KSR1: variants seen among roughly 807,000 people sequenced by gnomAD.
KSR1 encodes kinase suppressor of ras 1, also known as kinase suppressor of ras.
KSR1 carries 35 observed loss-of-function variants against 92.9 expected under a neutral mutation model. The ratio of observed to expected loss-of-function variants is 0.38; its 90% CI spans 0.29 to 0.50. KSR1 has a LOEUF of 0.50. Among genes scored for constraint, KSR1 ranks in the 20% least tolerant of loss-of-function variants. The pLI is 0.94. For synonymous variants in KSR1, 467 were observed against 472.6 expected, an observed-to-expected ratio of 0.99 and a Z score of 0.15; for missense variants, 972 against 1,158.5, an observed-to-expected ratio of 0.84 and a Z score of 2.34.
chr17:27,553,189 C>T (rs142367633), intron 2 of KSR1, among the ~76,000 whole-genome samples: 12 of 152,296 alleles, frequency 7.9e-5, no homozygotes, highest in African/African-American at 2.6e-4. Context: ...CTGGCACAGG[C>T]AGTTGTGAAA....
chr17:27,620,340 G>GCC, intron 19 of KSR1, among the ~76,000 whole-genome samples: 1 of 152,318 alleles, frequency 6.6e-6, no homozygotes, highest in Non-Finnish European at 1.5e-5. Context: ...GATGGCCGAG[G>GCC]CCAGGGTTCC....
rs183026806 is a variant in KSR1 at position 27,538,990 on chromosome 17, G to T, written c.232-11578G>T. Among the ~76,000 whole-genome samples the T allele has an allele frequency of 1.8e-4, 28 of 152,354 alleles. No individual in the cohort carries two copies. In the East Asian group the frequency reaches 5.4e-3, roughly 29 times the overall value. ...TCATAGTTGGTGCATATAGGTCAGA[G>T]TTTAAGGTGCCTTGCCTTCCCCATC... On this transcript the variant is annotated intron_variant, in intron 1 of 20. Coordinates refer to ENST00000644974, the MANE Select transcript of KSR1 (RefSeq NM_001394583.1).
At chr17:27,542,695 C>T (rs145233364) in intron 1 of KSR1, among the ~76,000 whole-genome samples, 2 of 152,324 alleles carry the variant, frequency 1.3e-5, no homozygotes, top group East Asian at 3.9e-4. Context: ...TCTTCATGCT[C>T]CTCCTTTTCG....
chr17:27,471,719 C>T (rs1248859596), intron 1 of KSR1, among the ~76,000 whole-genome samples: 1 of 152,134 alleles, frequency 6.6e-6, no homozygotes, highest in East Asian at 1.9e-4. Flanking sequence ...GGGTTTCGTG[C>T]CAGGCACTGT....
chr17:27,554,579 T>C (rs1250245903), intron 2 of KSR1, among the ~76,000 whole-genome samples: 2 of 152,256 alleles, frequency 1.3e-5, no homozygotes, highest in African/African-American at 4.8e-5. Context: ...GATCTGTCAC[T>C]GTCTCCCATC....
intron 1 of KSR1, among the ~76,000 whole-genome samples, chr17:27,463,466 A>C (rs2019543839): frequency 6.7e-6 from 1 of 149,894 alleles, no homozygotes. Context: ...TGGATGACAG[A>C]GAAAAAAAAA....
chr17:27,467,585 T>C (rs1449731695), intron 1 of KSR1, among the ~76,000 whole-genome samples: 1 of 152,178 alleles, frequency 6.6e-6, no homozygotes, highest in African/African-American at 2.4e-5. Context: ...TTTTTGGTCT[T>C]TTTTCCTGCA....
Position 27,565,888 on chromosome 17 carries a change from T to A in KSR1, c.373-11604T>A, listed in dbSNP as rs564122063. On this transcript the variant is annotated intron_variant, in intron 2 of 20. Transcript: ENST00000644974. ...ACTGTTTTCTACATTTTTTTTTTCA[T>A]TTGCATGGACTCCAGTTCACGGTTT... 2.8e-4 allele frequency among the ~76,000 whole-genome samples: 43 copies of A among 152,316 alleles called. 1 individual carries two copies. The South Asian group carries it at 8.5e-3, about 30-fold the overall frequency.
chr17:27,575,900 A>G (rs746572312), intron 2 of KSR1, among the ~76,000 whole-genome samples: 5 of 152,116 alleles, frequency 3.3e-5, no homozygotes, highest in Non-Finnish European at 5.9e-5. Flanking sequence ...TTATATCCCT[A>G]CTTGGGATCT....
At chr17:27,474,091 A>AG (rs548901846) in intron 1 of KSR1, among the ~76,000 whole-genome samples, 3 of 152,310 alleles carry the variant, frequency 2.0e-5, no homozygotes, top group Admixed American at 1.3e-4. Flanking sequence ...CCTAAACCAG[A>AG]GGGGGCTTTT....
chr17:27,501,279 A>ATTTTTTTTTTTTTT (rs1555570836), intron 1 of KSR1, among the ~76,000 whole-genome samples: 1 of 70,356 alleles, frequency 1.4e-5, no homozygotes, highest in Non-Finnish European at 3.0e-5. Flanking sequence ...TTTTTTTTTT[A>ATTTTTTTTTTTTTT]ATTTCTTTTC....
At chr17:27,523,494 CA>C (rs1348408332) in intron 1 of KSR1, among the ~76,000 whole-genome samples, 13 of 152,210 alleles carry the variant, frequency 8.5e-5, no homozygotes, top group African/African-American at 2.9e-4. Context: ...GGAAAGTTGG[CA>C]AATAAACAGC....
At chr17:27,582,425 A>G (rs1018774222) in intron 3 of KSR1, among the ~76,000 whole-genome samples, 6 of 151,954 alleles carry the variant, frequency 3.9e-5, no homozygotes, top group Non-Finnish European at 5.9e-5. Flanking sequence ...GGGATGCTCA[A>G]CCTGTGGTAG....
chr17:27,527,068 C>G (rs932937702), intron 1 of KSR1: 3 of 437,192 alleles, frequency 6.9e-6, no homozygotes, highest in Non-Finnish European at 8.8e-6. Flanking sequence ...CGTGGGTCAG[C>G]GCCTGCAGGT....
At chr17:27,574,063 T>G (rs2072411875) in intron 2 of KSR1, among the ~76,000 whole-genome samples, 2 of 152,214 alleles carry the variant, frequency 1.3e-5, no homozygotes, top group Middle Eastern at 3.2e-3. Flanking sequence ...CTGGGCAAAC[T>G]GCTGAGTCAT....
rs148418414 is a variant in KSR1 at position 27,525,281 on chromosome 17, T to C, written c.232-25287T>C. Among the ~76,000 whole-genome samples the C allele has an allele frequency of 2.3e-3, 354 of 152,340 alleles. 2 individuals are homozygous for C. The highest frequency in any genetic ancestry group is 4.5e-3 in the Non-Finnish European group (304 of 68,040). Reference sequence around the variant, plus strand: ...ACAAGGGGGTGAAGGGTTCCTTAAATCCAGACTGCCCCTATTGCCAGGAAT... The same window carrying C: ...ACAAGGGGGTGAAGGGTTCCTTAAACCCAGACTGCCCCTATTGCCAGGAAT... On this transcript the variant is annotated intron_variant, in intron 1 of 20. Coordinates refer to ENST00000644974, the MANE Select transcript of KSR1 (RefSeq NM_001394583.1).
In KSR1 at chr17:27,459,049, A is replaced by G. The variant is rs953618517; in HGVS notation, c.231+2175A>G. The stretch of plus-strand genomic sequence containing the variant: ...AAAATCCAGATTTACTGAACCCATA[A>G]CATAGGGGTTAAGTTTATTAGAAGA... On this transcript the variant is annotated intron_variant, in intron 1 of 20. Coordinates refer to ENST00000644974, the MANE Select transcript of KSR1 (RefSeq NM_001394583.1). This position sits in a 1 kb window ranked among gnomAD's most constrained non-coding sequence, Gnocchi z 4.6. Among the ~76,000 whole-genome samples, 6 of 152,220 alleles carry G rather than the reference A, an allele frequency of 3.9e-5. No homozygotes were observed. The highest frequency in any genetic ancestry group is 1.4e-4 in the African/African-American group (6 of 41,462).
intron 1 of KSR1, among the ~76,000 whole-genome samples, chr17:27,469,869 A>C (rs1272381469): frequency 6.6e-6 from 1 of 152,142 alleles, no homozygotes; most frequent in African/African-American, 2.4e-5. Context: ...AGATTTCTGC[A>C]ATTATAAACA....
intron 20 of KSR1, chr17:27,622,804 G>A (rs552386195): frequency 1.0e-3 from 185 of 181,136 alleles, no homozygotes; most frequent in Non-Finnish European, 1.6e-3. Flanking sequence ...ACCAAATGCA[G>A]GTTTCTGTTC....
Sources: allele counts gnomAD v4.1 joint callset (sites outside exome capture counted in the v4.1 genomes callset), GRCh38; gene constraint gnomAD v4.1.1; non-coding constraint Gnocchi (gnomAD v3.1); transcripts MANE v1.5; gene names NCBI Gene and HGNC (gene_info 2026-07-23, HGNC 2026-07-21).